ATRN: variants seen among roughly 807,000 people sequenced by gnomAD.
The protein encoded by ATRN is attractin-2.
A neutral mutation model predicts 178.7 loss-of-function variants in ATRN; 54 were observed. That is an observed-to-expected ratio of 0.30 (90% confidence interval 0.24 to 0.38). The LOEUF is 0.38. Ranked by LOEUF, ATRN falls within the 10% of genes least tolerant of loss-of-function variation. The probability of loss-of-function intolerance (pLI) is 1.00; values close to 1 mark genes in which losing one functional copy is unlikely to be tolerated. For synonymous variants in ATRN, 636 were observed against 663.0 expected (o/e 0.96, Z 0.63); for missense variants, 1,443 against 1,815.1 (o/e 0.79, Z 3.73).
chr20:3,626,489 A>C (rs558546918), intron 25 of ATRN, among the ~76,000 whole-genome samples: 1 of 152,180 alleles, frequency 6.6e-6, no homozygotes, highest in African/African-American at 2.4e-5. Context: ...CAAATTGAAC[A>C]CTTCTAGAGT....
chr20:3,505,389 G>T (rs2085028854), intron 1 of ATRN, among the ~76,000 whole-genome samples: 2 of 152,116 alleles, frequency 1.3e-5, no homozygotes, highest in African/African-American at 2.4e-5. Flanking sequence ...CAGGCTTTGG[G>T]CTTGTCCTGC....
chr20:3,628,154 A>G (rs1406861370), intron 25 of ATRN, among the ~76,000 whole-genome samples: 1 of 152,220 alleles, frequency 6.6e-6, no homozygotes, highest in South Asian at 2.1e-4. Flanking sequence ...CCTGGGCAAC[A>G]GTGCGAGACT....
intron 23 of ATRN, among the ~76,000 whole-genome samples, chr20:3,602,963 CAAAAAAAAAAAAAAAAAA>C (rs3842439): frequency 1.6e-3 from 65 of 40,884 alleles, no homozygotes; most frequent in Non-Finnish European, 2.0e-3. Context: ...AATTCCATCT[CAAAAAAAAAAAAAAAAAA>C]AAAAAAAAAA....
intron 1 of ATRN, among the ~76,000 whole-genome samples, chr20:3,511,423 G>A (rs1159333137): frequency 6.6e-6 from 1 of 151,894 alleles, no homozygotes; most frequent in Admixed American, 6.6e-5. Context: ...AAATCAGGAG[G>A]ATTTTTTTTA....
intron 1 of ATRN, among the ~76,000 whole-genome samples, chr20:3,529,989 A>T (rs2628481): frequency 0.092 from 13,947 of 151,996 alleles, 866 homozygotes; most frequent in Non-Finnish European, 0.14. Context: ...CTGAAAATAA[A>T]AGAGTTGAAT....
chr20:3,544,802 A>G (rs1409714129), intron 3 of ATRN, among the ~76,000 whole-genome samples: 1 of 149,160 alleles, frequency 6.7e-6, no homozygotes, highest in East Asian at 1.9e-4. Flanking sequence ...TAAAGGCATC[A>G]TTTAGACCCT....
At chr20:3,628,924 C>T (rs954256420) in intron 25 of ATRN, 12 of 985,244 alleles carry the variant, frequency 1.2e-5, no homozygotes, top group Middle Eastern at 5.2e-4. Flanking sequence ...CGTCTTCTCA[C>T]TCTGTGTTCT....
At chr20:3,642,269 C>A (rs2087075247) in intron 27 of ATRN, among the ~76,000 whole-genome samples, 1 of 152,194 alleles carries the variant, frequency 6.6e-6, no homozygotes, top group Non-Finnish European at 1.5e-5. Flanking sequence ...CCATGAGCCT[C>A]CAACACAAAC....
chr20:3,529,535 T>C (rs1568709804), intron 1 of ATRN, among the ~76,000 whole-genome samples: 1 of 152,206 alleles, frequency 6.6e-6, no homozygotes, highest in Non-Finnish European at 1.5e-5. Context: ...AGAAAAGTTA[T>C]GTTGATAAAA....
Position 3,584,875 on chromosome 20 carries a change from G to A in ATRN, c.3179G>A (p.Cys1060Tyr). The A allele has an allele frequency of 6.2e-7, 1 of 1,613,712 alleles. No individual in the cohort carries two copies. Among genetic ancestry groups the A allele is most frequent in the Non-Finnish European group, 8.5e-7 (1 of 1,179,600 alleles). ...DSRYNWSFIH[C>Y]PACQCNGHSK... is the part of the protein sequence containing the mutation. ...AGATACAACTGGTCTTTCATTCACT[G>A]TCCAGGTAAGATGCCTTGCATATCC... The change falls in exon 18 of 29, where the codon TGT becomes TAT. Residue 1060 changes from cysteine (C) to tyrosine (Y), a missense_variant. By Grantham distance (194) the Cys-to-Tyr change is radical. This residue lies in a region of ATRN where 80 missense variants were observed against 71.5 expected (regional missense o/e 1.12). Coordinates refer to ENST00000262919, the MANE Select transcript of ATRN (RefSeq NM_139321.3).
chr20:3,512,107 A>ATATATATATATATATATTTTTTT, intron 1 of ATRN, among the ~76,000 whole-genome samples: 10 of 106,396 alleles, frequency 9.4e-5, no homozygotes, highest in South Asian at 2.9e-4. Flanking sequence ...ATATATATAT[A>ATATATATATATATATATTTTTTT]TTTTTTTTTT....
At chr20:3,635,384 A>T (rs1316900115) in intron 26 of ATRN, among the ~76,000 whole-genome samples, 2 of 151,828 alleles carry the variant, frequency 1.3e-5, no homozygotes, top group Non-Finnish European at 2.9e-5. Context: ...TAAATAAATA[A>T]ATAAATAAAT....
intron 10 of ATRN, among the ~76,000 whole-genome samples, chr20:3,563,664 A>G (rs1300016124): frequency 2.6e-5 from 4 of 152,126 alleles, no homozygotes; most frequent in South Asian, 4.1e-4. Context: ...CATAGTTGCA[A>G]CCACCAGCAT....
chr20:3,474,874 T>C (rs1465245305), intron 1 of ATRN, among the ~76,000 whole-genome samples: 1 of 150,290 alleles, frequency 6.7e-6, no homozygotes, highest in Non-Finnish European at 1.5e-5. Context: ...CTACTAAAAA[T>C]ACAAAAAATT....
chr20:3,601,867 TAA>T (rs77232797), intron 23 of ATRN, among the ~76,000 whole-genome samples: 38 of 117,628 alleles, frequency 3.2e-4, no homozygotes, highest in Admixed American at 3.5e-4. Flanking sequence ...CCCATCTCTT[TAA>T]AAAAAAAAAA....
intron 28 of ATRN, among the ~76,000 whole-genome samples, chr20:3,646,514 A>T (rs1293025145): frequency 1.3e-5 from 2 of 152,128 alleles, no homozygotes; most frequent in African/African-American, 4.8e-5. Flanking sequence ...GAAAGCGTTT[A>T]CCCAGATGGA....
chr20:3,501,913 C>A (rs1223754484), intron 1 of ATRN, among the ~76,000 whole-genome samples: 1 of 152,006 alleles, frequency 6.6e-6, no homozygotes, highest in Non-Finnish European at 1.5e-5. Flanking sequence ...AGTTGGGAAC[C>A]CTGAAGGATG....
chr20:3,582,669 G>A (rs542382009), intron 16 of ATRN, among the ~76,000 whole-genome samples: 1 of 152,236 alleles, frequency 6.6e-6, no homozygotes, highest in South Asian at 2.1e-4. Context: ...CAAATTTATT[G>A]GTGTTGGCAG....
At chr20:3,493,228 A>G (rs1313446812) in intron 1 of ATRN, among the ~76,000 whole-genome samples, 3 of 150,610 alleles carry the variant, frequency 2.0e-5, no homozygotes, top group Non-Finnish European at 4.4e-5. Flanking sequence ...TCTATAGCTC[A>G]CTGCAGCCTT....
Sources: allele counts gnomAD v4.1 joint callset (sites outside exome capture counted in the v4.1 genomes callset), GRCh38; gene constraint gnomAD v4.1.1; regional missense constraint gnomAD v4.1.1; transcripts MANE v1.5; gene names NCBI Gene and HGNC (gene_info 2026-07-23, HGNC 2026-07-21).